Variants in LRRC37A observed in about 807,000 individuals in gnomAD.
The protein encoded by LRRC37A is leucine rich repeat containing 37A, also known as leucine-rich repeat-containing protein 37A.
Under a neutral mutation model 35.4 loss-of-function variants are expected in LRRC37A, and 3 were observed. The observed-to-expected ratio is 0.08, with a 90% CI of 0.04 to 0.22. The LOEUF is 0.22. Ranked by LOEUF, LRRC37A falls within the 10% of genes least tolerant of loss-of-function variation. The pLI is 1.00. For synonymous variants in LRRC37A, 23 were observed against 215.0 expected (o/e 0.11, Z 7.81); for missense variants, 67 against 565.3 (o/e 0.12, Z 8.94).
chr17:46,269,154 A>G, the LRRC37A span, among the ~76,000 whole-genome samples: 1 of 152,234 alleles, frequency 6.6e-6, no homozygotes, highest in Non-Finnish European at 1.5e-5. Context: ...CAGTAAGCGC[A>G]CTAGTCAAAA....
chr17:46,289,278 G>A (rs2050002875), upstream of LRRC37A, among the ~76,000 whole-genome samples: 2 of 152,280 alleles, frequency 1.3e-5, no homozygotes, highest in South Asian at 4.1e-4. Context: ...GACCTGCCAG[G>A]CTCAAGTGAT....
At chr17:46,262,780 G>A in the LRRC37A span, among the ~76,000 whole-genome samples, 2 of 148,444 alleles carry the variant, frequency 1.3e-5, no homozygotes, top group Non-Finnish European at 3.0e-5. Context: ...AGCAAAACTC[G>A]GTCTTGGAAA....
chr17:46,279,258 A>G, the LRRC37A span, among the ~76,000 whole-genome samples: 1 of 144,274 alleles, frequency 6.9e-6, no homozygotes, highest in Non-Finnish European at 1.5e-5. Flanking sequence ...ATCTTGGCTC[A>G]CTGCAACCTC....
the LRRC37A span, among the ~76,000 whole-genome samples, chr17:46,248,552 C>T: frequency 6.6e-6 from 1 of 152,018 alleles, no homozygotes; most frequent in Non-Finnish European, 1.5e-5. Flanking sequence ...GATGGAGTCT[C>T]ACTGTTGCCC....
At chr17:46,253,050 A>G in the LRRC37A span, among the ~76,000 whole-genome samples, 1 of 146,476 alleles carries the variant, frequency 6.8e-6, no homozygotes, top group African/African-American at 2.5e-5. Flanking sequence ...TGCCGGGCGG[A>G]GGGGCTCCTC....
chr17:46,264,995 T>A, the LRRC37A span, among the ~76,000 whole-genome samples: 1 of 152,266 alleles, frequency 6.6e-6, no homozygotes, highest in Non-Finnish European at 1.5e-5. Flanking sequence ...TCTGAGGACA[T>A]CTATGAACAG....
At chr17:46,263,109 A>G in the LRRC37A span, among the ~76,000 whole-genome samples, 1 of 152,086 alleles carries the variant, frequency 6.6e-6, no homozygotes, top group African/African-American at 2.4e-5. Flanking sequence ...GCTACTCTGG[A>G]GGCGAAGGAG....
the LRRC37A span, chr17:46,275,405 T>G: frequency 5.0e-6 from 5 of 997,226 alleles, no homozygotes; most frequent in Non-Finnish European, 3.0e-6. Context: ...GACTGCAGTT[T>G]GTTGTTGTGA....
At chr17:46,285,586 T>C in the LRRC37A span, among the ~76,000 whole-genome samples, 1 of 152,212 alleles carries the variant, frequency 6.6e-6, no homozygotes. Flanking sequence ...AATCTAATCA[T>C]ACTGTTTCTC....
the LRRC37A span, among the ~76,000 whole-genome samples, chr17:46,277,794 C>T: frequency 6.6e-6 from 1 of 150,788 alleles, no homozygotes; most frequent in Non-Finnish European, 1.5e-5. Context: ...TTACAGGTGC[C>T]CACCCTTACG....
chr17:46,260,531 C>A, the LRRC37A span: 409 of 1,599,142 alleles, frequency 2.6e-4, 3 homozygotes, highest in African/African-American at 5.1e-3. Flanking sequence ...CAGGCGATGC[C>A]TGTCTCCCTG....
chr17:46,268,437 C>A, the LRRC37A span: 1 of 1,141,826 alleles, frequency 8.8e-7, no homozygotes, highest in South Asian at 2.3e-5. Context: ...TTCTTAAAGG[C>A]CTTATATTTT....
rs374208115 is a variant in LRRC37A, at chr17:46,317,267, A to C, written c.2907-5055A>C. 4.7e-4 allele frequency among the ~76,000 whole-genome samples: 38 copies of C among 81,378 alleles called. 6 individuals are homozygous for C. In the East Asian group the frequency reaches 8.7e-3, roughly 19 times the overall value. The allele number at this position is 81,378 out of a possible 152,430, so 53.4% of individuals were successfully genotyped here. On this transcript the variant is annotated intron_variant, in intron 5 of 13. Transcript: ENST00000320254. ...TGGTATCCAACTCCTGGCTTCAAGC[A>C]ATTCTTGAGCCTCAAGCCTCCCAAG...
chr17:46,263,945 C>T, the LRRC37A span, among the ~76,000 whole-genome samples: 1 of 152,092 alleles, frequency 6.6e-6, no homozygotes, highest in Non-Finnish European at 1.5e-5. Flanking sequence ...GATCTGCCCG[C>T]CTCAGCCTCC....
intron 9 of LRRC37A, 100 bp from the exon 10 acceptor site, chr17:46,332,452 A>G (rs1299738029): frequency 6.2e-5 from 30 of 481,482 alleles, no homozygotes; most frequent in Non-Finnish European, 1.1e-4. Context: ...ACCCTCTTTC[A>G]AAAAAATAAA....
the LRRC37A span, among the ~76,000 whole-genome samples, chr17:46,265,008 C>T: frequency 1.3e-5 from 2 of 152,236 alleles, no homozygotes; most frequent in Admixed American, 6.5e-5. Flanking sequence ...ATGAACAGGG[C>T]CCCGAGGGCA....
the LRRC37A span, among the ~76,000 whole-genome samples, chr17:46,272,925 A>C: frequency 9.8e-5 from 15 of 152,354 alleles, no homozygotes; most frequent in East Asian, 2.9e-3. Flanking sequence ...TACAGAAGAC[A>C]TATTACCACC....
At chr17:46,254,629 C>T in the LRRC37A span, among the ~76,000 whole-genome samples, 570 of 151,726 alleles carry the variant, frequency 3.8e-3, 7 homozygotes, top group Non-Finnish European at 4.3e-3. Flanking sequence ...GCAACCTCCA[C>T]CTCCTGGGTT....
At chr17:46,258,678 C>G in the LRRC37A span, among the ~76,000 whole-genome samples, 289 of 150,402 alleles carry the variant, frequency 1.9e-3, 2 homozygotes, top group African/African-American at 6.7e-3. Context: ...GCATTTGCAG[C>G]AACCTGGACA....
Sources: allele counts gnomAD v4.1 joint callset (sites outside exome capture counted in the v4.1 genomes callset), GRCh38; gene constraint gnomAD v4.1.1; transcripts MANE v1.5; gene names NCBI Gene and HGNC (gene_info 2026-07-23, HGNC 2026-07-21).